The following CNTNAP5 variants were observed in gnomAD, a reference collection of about 807,000 sequenced individuals.
CNTNAP5 encodes contactin associated protein family member 5.
Under a neutral mutation model 150.2 loss-of-function variants are expected in CNTNAP5, and 72 were observed. The ratio of observed to expected loss-of-function variants is 0.48; its 90% CI spans 0.40 to 0.58. The LOEUF (loss-of-function observed/expected upper bound fraction) is 0.58, where lower values mean the gene tolerates loss of function less well. Ranked by LOEUF, CNTNAP5 falls within the 20% of genes least tolerant of loss-of-function variation. The pLI, the probability that CNTNAP5 is intolerant of heterozygous loss-of-function variation, is 0.00. For synonymous variants in CNTNAP5, 672 were observed against 619.8 expected, an observed-to-expected ratio of 1.08 and a Z score of -1.25; for missense variants, 1,636 against 1,626.2, an observed-to-expected ratio of 1.01 and a Z score of -0.10.
chr2:124,907,780 G>A (rs546810754), intron 22 of CNTNAP5, among the ~76,000 whole-genome samples: 201 of 150,896 alleles, frequency 1.3e-3, no homozygotes, highest in African/African-American at 4.7e-3. Context: ...TTACTTTGCC[G>A]AAGGTGTCCA....
chr2:124,298,231 T>C (rs1464444637), intron 3 of CNTNAP5, among the ~76,000 whole-genome samples: 1 of 152,066 alleles, frequency 6.6e-6, no homozygotes, highest in Non-Finnish European at 1.5e-5. Flanking sequence ...GTCATGGAGG[T>C]TTGTTATACA....
intron 5 of CNTNAP5, among the ~76,000 whole-genome samples, chr2:124,435,717 G>T (rs985859979): frequency 6.6e-6 from 1 of 152,142 alleles, no homozygotes; most frequent in East Asian, 1.9e-4. Context: ...ATACATTTTA[G>T]CAATTAGCTG....
chr2:124,757,392 AG>A (rs1680862096), intron 14 of CNTNAP5, among the ~76,000 whole-genome samples: 1 of 152,326 alleles, frequency 6.6e-6, no homozygotes, highest in South Asian at 2.1e-4. Flanking sequence ...GTGAGGACTC[AG>A]GGCCTGGCTC....
chr2:124,618,665 C>G (rs764314701), intron 12 of CNTNAP5, among the ~76,000 whole-genome samples: 3 of 152,096 alleles, frequency 2.0e-5, no homozygotes, highest in African/African-American at 7.2e-5. Context: ...TTTTAGTCAG[C>G]CTTCCTGCGC....
chr2:124,353,740 G>A (rs1169351674), intron 3 of CNTNAP5, among the ~76,000 whole-genome samples: 1 of 152,134 alleles, frequency 6.6e-6, no homozygotes, highest in South Asian at 2.1e-4. Context: ...ATTCCATCAG[G>A]AATTAACAGT....
At chr2:124,408,216 C>T (rs1284977287) in intron 3 of CNTNAP5, among the ~76,000 whole-genome samples, 1 of 152,204 alleles carries the variant, frequency 6.6e-6, no homozygotes, top group Non-Finnish European at 1.5e-5. Context: ...TATCTCGCAC[C>T]TGGCTCGGAG....
intron 3 of CNTNAP5, among the ~76,000 whole-genome samples, chr2:124,279,950 C>T (rs1469332870): frequency 6.6e-6 from 1 of 152,006 alleles, no homozygotes; most frequent in African/African-American, 2.4e-5. Context: ...CTGTTCCATG[C>T]CTTTCGTCCT....
At chr2:124,912,938 T>TA (rs1327846103) in intron 23 of CNTNAP5, among the ~76,000 whole-genome samples, 11 of 152,026 alleles carry the variant, frequency 7.2e-5, no homozygotes, top group Admixed American at 7.2e-4. Context: ...CTTGCTAACT[T>TA]AGATGATTTT....
intron 3 of CNTNAP5, among the ~76,000 whole-genome samples, chr2:124,345,968 T>G (rs1203014241): frequency 6.6e-6 from 1 of 152,176 alleles, no homozygotes; most frequent in Non-Finnish European, 1.5e-5. Context: ...GTTACAAACA[T>G]GTGAATCTAA....
intron 14 of CNTNAP5, among the ~76,000 whole-genome samples, chr2:124,747,682 C>T (rs867943186): frequency 3.0e-4 from 40 of 134,018 alleles, no homozygotes; most frequent in African/African-American, 9.3e-4. Flanking sequence ...TGCAGTGTCG[C>T]GATCTTGGCT....
chr2:124,084,924 G>GTTTTGTTTTTTTTTTTTTT (rs1553435818), intron 1 of CNTNAP5, among the ~76,000 whole-genome samples: 13 of 89,980 alleles, frequency 1.4e-4, no homozygotes, highest in Non-Finnish European at 1.8e-4. Flanking sequence ...CAAGTTTCCT[G>GTTTTGTTTTTTTTTTTTTT]TTTTTTTTTT....
chr2:124,226,111 T>C (rs1266535281), intron 2 of CNTNAP5, among the ~76,000 whole-genome samples: 1 of 152,182 alleles, frequency 6.6e-6, no homozygotes, highest in Admixed American at 6.6e-5. Context: ...ACTGATTTCA[T>C]TTCCTTCAGA....
rs1286054267 is a variant in CNTNAP5, at chr2:124,804,126, C to A, written c.3217+5806C>A. Among the ~76,000 whole-genome samples the A allele has an allele frequency of 7.9e-5, 12 of 152,290 alleles. No homozygotes were observed. In the East Asian group the frequency reaches 2.3e-3, roughly 29 times the overall value. On this transcript the variant is annotated intron_variant, in intron 19 of 23. Transcript: ENST00000682447. ...TTTGTTTTAGTTGTTTCATTCCCTA[C>A]ATTTCTGTGCTTTCCAACAATCTCT...
intron 3 of CNTNAP5, among the ~76,000 whole-genome samples, chr2:124,375,684 T>G (rs961585131): frequency 2.0e-5 from 3 of 152,182 alleles, no homozygotes; most frequent in Middle Eastern, 3.4e-3. Context: ...GACTGTGCTA[T>G]GATGATGCAA....
At chr2:124,388,348 T>TACCA (rs879722153) in intron 3 of CNTNAP5, among the ~76,000 whole-genome samples, 6,361 of 152,234 alleles carry the variant, frequency 0.042, 146 homozygotes, top group African/African-American at 0.043. Flanking sequence ...CAGAACCCTG[T>TACCA]GTTGCAAAGC....
intron 11 of CNTNAP5, among the ~76,000 whole-genome samples, chr2:124,585,592 G>A (rs1696510789): frequency 6.7e-6 from 1 of 148,314 alleles, no homozygotes; most frequent in Non-Finnish European, 1.5e-5. Context: ...TGTGGGTCCA[G>A]ACATTAGGCA....
At chr2:124,383,312 G>A (rs1057006046) in intron 3 of CNTNAP5, among the ~76,000 whole-genome samples, 1 of 152,116 alleles carries the variant, frequency 6.6e-6, no homozygotes, top group Non-Finnish European at 1.5e-5. Flanking sequence ...ACTTGCAGAC[G>A]GGAAAACCGA....
At chr2:124,680,002 A>G (rs977033323) in intron 13 of CNTNAP5, among the ~76,000 whole-genome samples, 7 of 151,602 alleles carry the variant, frequency 4.6e-5, no homozygotes, top group Non-Finnish European at 7.4e-5. Flanking sequence ...CTGTATTTCC[A>G]TCGATTTTTT....
At chr2:124,678,398 C>T (rs1678992269) in intron 13 of CNTNAP5, among the ~76,000 whole-genome samples, 1 of 151,442 alleles carries the variant, frequency 6.6e-6, no homozygotes, top group Admixed American at 6.7e-5. Flanking sequence ...TAGGTATCAC[C>T]CCTTCTCTCT....
Sources: gnomAD v4.1 joint callset for allele counts (sites outside exome capture counted in the v4.1 genomes callset) on GRCh38, gnomAD v4.1.1 for gene constraint, MANE v1.5 for transcripts, NCBI Gene and HGNC (gene_info 2026-07-23, HGNC 2026-07-21) for gene names.